USP6: variants seen among roughly 807,000 people sequenced by gnomAD.
USP6 encodes the protein ubiquitin carboxyl-terminal hydrolase 6.
USP6 carries 128 observed loss-of-function variants against 175.7 expected under a neutral mutation model. The ratio of observed to expected loss-of-function variants is 0.73; its 90% CI spans 0.63 to 0.84. The LOEUF (loss-of-function observed/expected upper bound fraction) is 0.84, where lower values mean the gene tolerates loss of function less well. Ranked by LOEUF, USP6 falls within the 40% of genes least tolerant of loss-of-function variation. USP6 has a pLI of 0.00. For missense variants in USP6, 1,498 were observed against 1,760.3 expected (o/e 0.85, Z 2.67); for synonymous variants, 562 against 630.6 (o/e 0.89, Z 1.63).
Position 5,172,914 on chromosome 17 carries a change from C to A in USP6, c.4157C>A (p.Ala1386Glu), listed in dbSNP as rs1286991874. ...CCAAAGATTGATGGCAAAAAGATGGCAGACACAAGCAGTACGGATGAAGAC... is the reference window on the plus strand; with the variant it reads ...CCAAAGATTGATGGCAAAAAGATGGAAGACACAAGCAGTACGGATGAAGAC... Reference protein sequence around the residue: ...FLPKIDGKKMADTSSTDEDSE... With the variant: ...FLPKIDGKKMEDTSSTDEDSE... Residue 1386 changes from alanine (A) to glutamate (E), a missense_variant, in exon 38 of 38, where the codon GCA (alanine) becomes GAA (glutamate). Physicochemically the swap from Ala to Glu is moderately radical, Grantham distance 107 (BLOSUM62 -1). This residue lies in a region of USP6 where 1,217 missense variants were observed against 1,500.8 expected (regional missense o/e 0.81). Transcript: ENST00000574788. The A allele has an allele frequency of 6.2e-7, 1 of 1,613,772 alleles. No homozygotes were observed. Among genetic ancestry groups the A allele is most frequent in the African/African-American group, 1.3e-5 (1 of 74,874 alleles).
chr17:5,124,200 C>T (rs1406278526), intron 4 of USP6, among the ~76,000 whole-genome samples: 1 of 152,208 alleles, frequency 6.6e-6, no homozygotes, highest in Admixed American at 6.5e-5. Flanking sequence ...GTCAGTCCCT[C>T]ACTTGGTCAG....
In USP6 at chr17:5,132,526, T is replaced by C; in HGVS notation, c.195+91T>C. 6.2e-7 allele frequency: 1 copy of C among 1,607,838 alleles called. No homozygotes were observed. Among genetic ancestry groups the C allele is most frequent in the Non-Finnish European group, 8.5e-7 (1 of 1,176,298 alleles). On this transcript the variant is annotated intron_variant, in intron 12 of 37. Coordinates refer to ENST00000574788, the MANE Select transcript of USP6 (RefSeq NM_001304284.2). This position sits in a 1 kb window ranked among gnomAD's most constrained non-coding sequence, Gnocchi z 4.7. ...CAGAGGAAGCAGCTGGCCTGGGCGG[T>C]GGCGGGTGAGGGCAACACGCTGTCA...
At chr17:5,133,414 T>A (rs770115238) in intron 13 of USP6, 29 bp from the exon 14 acceptor site, 13 of 1,590,040 alleles carry the variant, frequency 8.2e-6, no homozygotes, top group Middle Eastern at 2.3e-4. Flanking sequence ...CCCCATGGCC[T>A]GTGACACCAG....
At chr17:5,133,839 C>T in intron 14 of USP6, 48 bp from the exon 15 acceptor site, 2 of 1,577,324 alleles carry the variant, frequency 1.3e-6, no homozygotes, top group Non-Finnish European at 8.7e-7. Context: ...GGCAGGGAGT[C>T]TTCCATCTGT....
chr17:5,170,328 A>G (rs745682668), intron 35 of USP6, 151 bp from the exon 36 acceptor site: 396 of 1,226,082 alleles, frequency 3.2e-4, no homozygotes, highest in Non-Finnish European at 4.3e-4. Flanking sequence ...CTTACTGGCT[A>G]CACAATAGGA....
At chr17:5,171,996 G>A (rs1007763540) in intron 37 of USP6, among the ~76,000 whole-genome samples, 7 of 151,702 alleles carry the variant, frequency 4.6e-5, no homozygotes, top group African/African-American at 1.7e-4. Context: ...CCAACATGGT[G>A]AAACCCCATC....
chr17:5,134,056 C>A, intron 15 of USP6, 60 bp downstream of exon 15: 1 of 1,556,200 alleles, frequency 6.4e-7, no homozygotes, highest in Non-Finnish European at 8.9e-7. Flanking sequence ...GGGATGGGGA[C>A]TTCCCCGGAG....
intron 31 of USP6, among the ~76,000 whole-genome samples, chr17:5,158,319 C>T (rs1315456661): frequency 6.6e-6 from 1 of 152,118 alleles, no homozygotes; most frequent in Non-Finnish European, 1.5e-5. Flanking sequence ...GTAGTCCCAG[C>T]ACTTCAGGAG....
chr17:5,169,086 T>A, intron 35 of USP6, 31 bp downstream of exon 35: 1 of 1,544,196 alleles, frequency 6.5e-7, no homozygotes, highest in Non-Finnish European at 8.7e-7. Flanking sequence ...GCAGTTGCTT[T>A]CTTGGGACTC....
In USP6 at chr17:5,139,235, C is replaced by G; in HGVS notation, c.1079-20C>G. The G allele has an allele frequency of 6.3e-7, 1 of 1,599,330 alleles. No individual in the cohort carries two copies. Among genetic ancestry groups the G allele is most frequent in the Non-Finnish European group, 8.5e-7 (1 of 1,179,950 alleles). ...GCATGGGCTCACTGGAGATGCTGAC[C>G]ACGTCTGTTTTCCTTTCAGCCAAAC... On this transcript the variant is annotated intron_variant, in intron 21 of 37. Coordinates refer to ENST00000574788, the MANE Select transcript of USP6 (RefSeq NM_001304284.2).
At chr17:5,158,026 G>A (rs2073922918) in intron 31 of USP6, among the ~76,000 whole-genome samples, 1 of 152,150 alleles carries the variant, frequency 6.6e-6, no homozygotes, top group African/African-American at 2.4e-5. Context: ...AGAAAAGACA[G>A]GAATCAAGTT....
At chr17:5,149,905 C>G (rs533297984) in intron 30 of USP6, among the ~76,000 whole-genome samples, 70 of 152,198 alleles carry the variant, frequency 4.6e-4, no homozygotes, top group African/African-American at 1.6e-3. Flanking sequence ...GTAGAAAGGG[C>G]ACTGAACTAG....
At chr17:5,138,329 G>A (rs2073328444) in intron 21 of USP6, 56 bp downstream of exon 21, 2 of 1,608,600 alleles carry the variant, frequency 1.2e-6, no homozygotes, top group Admixed American at 1.7e-5. Flanking sequence ...GTCAATAGTG[G>A]GCGGGTGCCC....
At chr17:5,151,431 ATG>A (rs138448773) in intron 30 of USP6, among the ~76,000 whole-genome samples, 66,183 of 146,348 alleles carry the variant, frequency 0.45, 16,551 homozygotes, top group Admixed American at 0.59. Context: ...CAAAGTCTGC[ATG>A]TGTGTGTGTG....
At chr17:5,150,585 C>G (rs1163649052) in intron 30 of USP6, among the ~76,000 whole-genome samples, 1 of 151,468 alleles carries the variant, frequency 6.6e-6, no homozygotes, top group African/African-American at 2.4e-5. Context: ...GCCTCCACCT[C>G]CTGGGTTCAA....
At chr17:5,133,649 G>GACACCCCCCC in intron 14 of USP6, 99 bp downstream of exon 14, 1 of 879,784 alleles carries the variant, frequency 1.1e-6, no homozygotes. Context: ...TGGGGGGGTG[G>GACACCCCCCC]GAGGGGATGG....
At position 5,132,472 on chromosome 17, in the gene USP6, C is replaced by T. The variant is rs370087364; in HGVS notation, c.195+37C>T. Reference sequence around the variant, plus strand: ...ATGCGTGGAGGGGCTGGTCCAGGGACGTAGGGACTGGGCGGGTGGTCAGTG... The same window carrying T: ...ATGCGTGGAGGGGCTGGTCCAGGGATGTAGGGACTGGGCGGGTGGTCAGTG... On this transcript the variant is annotated intron_variant, in intron 12 of 37. Transcript: ENST00000574788. This position sits in a 1 kb window ranked among gnomAD's most constrained non-coding sequence, Gnocchi z 4.7. 1.4e-5 allele frequency: 22 copies of T among 1,611,866 alleles called. No homozygotes were observed. The highest frequency in any genetic ancestry group is 5.3e-5 in the African/African-American group (4 of 74,826).
At chr17:5,148,892 TA>T in intron 30 of USP6, 125 bp downstream of exon 30, 1 of 1,434,530 alleles carries the variant, frequency 7.0e-7, no homozygotes, top group South Asian at 1.6e-5. Context: ...TTTAAAAATT[TA>T]ATACTTTTAC....
chr17:5,136,873 C>T (rs2073271804), intron 18 of USP6, 139 bp downstream of exon 18: 3 of 1,397,706 alleles, frequency 2.1e-6, no homozygotes, highest in African/African-American at 1.4e-5. Flanking sequence ...TCGGGTTCTC[C>T]ATGGGCTGGG....
Sources: gnomAD v4.1 joint callset for allele counts (sites outside exome capture counted in the v4.1 genomes callset) on GRCh38, gnomAD v4.1.1 for gene constraint, gnomAD v4.1.1 regional missense constraint, Gnocchi (gnomAD v3.1) non-coding constraint, MANE v1.5 for transcripts, NCBI Gene and HGNC (gene_info 2026-07-23, HGNC 2026-07-21) for gene names.